The following SCN9A variants were observed in gnomAD, a reference collection of about 807,000 sequenced individuals.
SCN9A encodes the protein sodium channel protein type 9 subunit alpha.
A neutral mutation model predicts 187.0 loss-of-function variants in SCN9A; 131 were observed. The observed-to-expected ratio is 0.70, with a 90% confidence interval of 0.61 to 0.81. SCN9A has a LOEUF of 0.81. SCN9A is among the 30% of genes least tolerant of loss of function. The pLI is 0.00. For missense variants in SCN9A, 2,252 were observed against 2,396.6 expected, an observed-to-expected ratio of 0.94 and a Z score of 1.26; for synonymous variants, 809 against 808.6, an observed-to-expected ratio of 1.00 and a Z score of -0.01.
intron 17 of SCN9A, among the ~76,000 whole-genome samples, chr2:166,253,100 C>T (rs985340808): frequency 1.3e-5 from 2 of 151,930 alleles, no homozygotes; most frequent in Admixed American, 6.6e-5. Context: ...AAAGGTTTGA[C>T]TTTTAGAGAT....
chr2:166,206,057 C>T (rs558104760), intron 24 of SCN9A, among the ~76,000 whole-genome samples: 2 of 152,314 alleles, frequency 1.3e-5, no homozygotes, highest in South Asian at 2.1e-4. Context: ...CGCTTTTACA[C>T]TGTTGGTGAG....
intron 24 of SCN9A, among the ~76,000 whole-genome samples, chr2:166,206,903 A>G (rs1458387449): frequency 1.3e-5 from 2 of 152,200 alleles, no homozygotes; most frequent in East Asian, 3.9e-4. Context: ...GTACTGAGGA[A>G]GTTATCAATT....
chr2:166,281,859 AG>A, intron 12 of SCN9A, 51 bp from the exon 13 acceptor site: 1 of 1,537,650 alleles, frequency 6.5e-7, no homozygotes, highest in Non-Finnish European at 8.8e-7. Context: ...AATAAATTGT[AG>A]GTATAAGATA....
At chr2:166,281,159 TGG>T (rs896150375) in intron 13 of SCN9A, among the ~76,000 whole-genome samples, 3 of 152,136 alleles carry the variant, frequency 2.0e-5, no homozygotes, top group Admixed American at 2.0e-4. Context: ...AATGGGAATG[TGG>T]GGGGTGAAGT....
At chr2:166,209,238 T>A (rs962617973) in intron 24 of SCN9A, among the ~76,000 whole-genome samples, 1 of 151,986 alleles carries the variant, frequency 6.6e-6, no homozygotes, top group African/African-American at 2.4e-5. Flanking sequence ...ATTCTTCCAA[T>A]GCACAGACAC....
At chr2:166,259,636 G>C (rs976346577) in intron 17 of SCN9A, among the ~76,000 whole-genome samples, 9 of 151,712 alleles carry the variant, frequency 5.9e-5, no homozygotes, top group Non-Finnish European at 1.2e-4. Context: ...AGTATAGGGG[G>C]TGAGGTGGCA....
intron 1 of SCN9A, among the ~76,000 whole-genome samples, chr2:166,324,896 G>C (rs993039670): frequency 6.6e-6 from 1 of 152,110 alleles, no homozygotes; most frequent in African/African-American, 2.4e-5. Context: ...TGGTAGCCTG[G>C]GTGAGATCTT....
chr2:166,302,942 T>C, intron 7 of SCN9A, 148 bp downstream of exon 7: 1 of 652,394 alleles, frequency 1.5e-6, no homozygotes, highest in Non-Finnish European at 2.6e-6. Flanking sequence ...AAATCATATA[T>C]AACATGACCC....
intron 21 of SCN9A, among the ~76,000 whole-genome samples, chr2:166,231,228 T>A (rs1470704938): frequency 1.3e-5 from 2 of 152,182 alleles, no homozygotes; most frequent in African/African-American, 4.8e-5. Flanking sequence ...AAAATTAAGT[T>A]AATGTCAATG....
At chr2:166,224,876 A>AT (rs2106380933) in intron 24 of SCN9A, among the ~76,000 whole-genome samples, 1 of 152,168 alleles carries the variant, frequency 6.6e-6, no homozygotes, top group South Asian at 2.1e-4. Flanking sequence ...AAATAAGATA[A>AT]TTTTTCTGAG....
intron 1 of SCN9A, among the ~76,000 whole-genome samples, chr2:166,363,507 C>T (rs180836507): frequency 6.6e-6 from 1 of 152,000 alleles, no homozygotes; most frequent in African/African-American, 2.4e-5. Flanking sequence ...TATACAACAA[C>T]TCAAAAGTTT....
rs955253702 is a variant in SCN9A at position 166,195,385 on chromosome 2, A to G, written c.*3287T>C. The G allele has an allele frequency of 1.2e-4, 18 of 152,250 alleles. No homozygotes were observed. Among genetic ancestry groups the G allele is most frequent in the African/African-American group, 4.1e-4 (17 of 41,562 alleles). 9.4% of individuals were successfully genotyped at this position (152,250 alleles called of 1,614,324 possible). On this transcript the variant is annotated 3_prime_UTR_variant, in exon 27 of 27. Transcript: ENST00000642356. ...ATTTATTTTCATGAAGCAATTCTTG[A>G]TTGTTTTCCTCAAGAAGATAATAAC...
At chr2:166,307,162 A>C (rs1698789912) in intron 2 of SCN9A, 88 bp from the exon 3 acceptor site, 5 of 700,684 alleles carry the variant, frequency 7.1e-6, no homozygotes, top group Non-Finnish European at 1.0e-5. Flanking sequence ...TCTACATGGC[A>C]GTGTTATATT....
At chr2:166,354,902 A>G (rs1700116478) in intron 1 of SCN9A, among the ~76,000 whole-genome samples, 1 of 152,172 alleles carries the variant, frequency 6.6e-6, no homozygotes, top group African/African-American at 2.4e-5. Context: ...ACTGAAAAGC[A>G]TAGAAAAAAA....
rs1207716967 is a variant in SCN9A at position 166,308,941 on chromosome 2, A to AC, written c.259-1868_259-1867insG. 3.3e-5 allele frequency among the ~76,000 whole-genome samples: 5 copies of AC among 151,378 alleles called. No individual in the cohort carries two copies. The East Asian group carries it at 9.7e-4, about 29-fold the overall frequency. ...ACTCTGTCTCAAAAAAAAAAAAAAA[A>AC]AAAAGACTAATACATGTATAGTCAG... On this transcript the variant is annotated intron_variant, in intron 2 of 26. Coordinates refer to ENST00000642356, the MANE Select transcript of SCN9A (RefSeq NM_001365536.1).
chr2:166,233,502 G>A (rs201493542), intron 20 of SCN9A, 40 bp from the exon 21 acceptor site: 181 of 1,503,650 alleles, frequency 1.2e-4, no homozygotes, highest in Non-Finnish European at 1.5e-4. Context: ...TCAATAAAAT[G>A]ATGAAGCATA....
At chr2:166,357,663 C>T (rs562795927) in intron 1 of SCN9A, among the ~76,000 whole-genome samples, 1 of 152,304 alleles carries the variant, frequency 6.6e-6, no homozygotes, top group South Asian at 2.1e-4. Context: ...AACATTCCTC[C>T]CCTCACTCTT....
At chr2:166,311,335 T>C (rs1432657785) in intron 2 of SCN9A, among the ~76,000 whole-genome samples, 164 bp downstream of exon 2, 8 of 44,132 alleles carry the variant, frequency 1.8e-4, no homozygotes, top group African/African-American at 4.7e-4. Flanking sequence ...ATATCCTATA[T>C]ATATATATAT....
At position 166,200,745 on chromosome 2, in the gene SCN9A, C is replaced by T. The variant is rs1177279028; in HGVS notation, c.4775-881G>A. Reference sequence around the variant, plus strand: ...CTGCATCCCGGGATCAAATGATTCTCCAGCCTCAGCCTCCAGAGTAGCTGG... The same window carrying T: ...CTGCATCCCGGGATCAAATGATTCTTCAGCCTCAGCCTCCAGAGTAGCTGG... On this transcript the variant is annotated intron_variant, in intron 26 of 26. Coordinates refer to ENST00000642356, the MANE Select transcript of SCN9A (RefSeq NM_001365536.1). Among the ~76,000 whole-genome samples, 4 of 152,168 alleles carry T rather than the reference C, an allele frequency of 2.6e-5. No individual in the cohort carries two copies. The East Asian group carries it at 7.7e-4, about 29-fold the overall frequency.
Sources: allele counts gnomAD v4.1 joint callset (sites outside exome capture counted in the v4.1 genomes callset), GRCh38; gene constraint gnomAD v4.1.1; transcripts MANE v1.5; gene names NCBI Gene and HGNC (gene_info 2026-07-23, HGNC 2026-07-21).